TAOK1: variants seen among roughly 807,000 people sequenced by gnomAD.
TAOK1 encodes TAO kinase 1.
In TAOK1, 21 loss-of-function variants were observed where a neutral mutation model predicts 138.3. The observed-to-expected ratio is 0.15, with a 90% CI of 0.11 to 0.22. The LOEUF (loss-of-function observed/expected upper bound fraction) is 0.22. Among genes scored for constraint, TAOK1 ranks in the 10% least tolerant of loss-of-function variants. The pLI is 1.00. For synonymous variants in TAOK1, 361 were observed against 398.4 expected (o/e 0.91, Z 1.12); for missense variants, 651 against 1,227.7 (o/e 0.53, Z 7.02).
chr17:29,438,491 C>T (rs1906108412), intron 1 of TAOK1, among the ~76,000 whole-genome samples: 1 of 152,106 alleles, frequency 6.6e-6, no homozygotes, highest in Non-Finnish European at 1.5e-5. Context: ...TCGAGAATAG[C>T]GTGGGTAACA....
intron 12 of TAOK1, among the ~76,000 whole-genome samples, chr17:29,500,270 G>A (rs895268513): frequency 5.3e-5 from 8 of 151,960 alleles, no homozygotes; most frequent in Admixed American, 1.3e-4. Flanking sequence ...AGCCAAGATC[G>A]TACCACTGCA....
intron 1 of TAOK1, among the ~76,000 whole-genome samples, chr17:29,438,603 GC>G (rs1328138986): frequency 6.6e-6 from 1 of 152,160 alleles, no homozygotes; most frequent in African/African-American, 2.4e-5. Flanking sequence ...GATCCCTTGG[GC>G]CCAGAGCTCA....
chr17:29,447,564 C>T (rs542366361), intron 1 of TAOK1, among the ~76,000 whole-genome samples: 1 of 152,148 alleles, frequency 6.6e-6, no homozygotes, highest in African/African-American at 2.4e-5. Flanking sequence ...GTCTCAAGCT[C>T]CTGACCTCAA....
chr17:29,480,817 C>T (rs1380660298), intron 7 of TAOK1, among the ~76,000 whole-genome samples: 2 of 147,466 alleles, frequency 1.4e-5, no homozygotes, highest in Admixed American at 6.9e-5. Context: ...TTGGAGTGAG[C>T]CGAGATTGTG....
At chr17:29,457,228 T>G (rs2030404869) in intron 2 of TAOK1, among the ~76,000 whole-genome samples, 1 of 147,138 alleles carries the variant, frequency 6.8e-6, no homozygotes, top group Non-Finnish European at 1.5e-5. Context: ...GCCTTCCAAG[T>G]AGATGGGAAT....
chr17:29,504,627 A>G (rs1034837570), intron 13 of TAOK1, among the ~76,000 whole-genome samples: 5 of 151,356 alleles, frequency 3.3e-5, no homozygotes, highest in African/African-American at 1.2e-4. Context: ...CTGAGATCGC[A>G]CTATTGCACT....
intron 1 of TAOK1, among the ~76,000 whole-genome samples, chr17:29,428,917 G>A (rs765769927): frequency 6.6e-6 from 1 of 152,056 alleles, no homozygotes; most frequent in Non-Finnish European, 1.5e-5. Context: ...ACAGGTGTGA[G>A]CCACTGCGCC....
At chr17:29,503,592 C>T (rs1367510511) in intron 13 of TAOK1, among the ~76,000 whole-genome samples, 2 of 152,004 alleles carry the variant, frequency 1.3e-5, no homozygotes, top group African/African-American at 4.8e-5. Context: ...CCTAATCAGA[C>T]AGATAAGTAA....
At chr17:29,449,659 G>A (rs1167707824) in intron 1 of TAOK1, among the ~76,000 whole-genome samples, 1 of 151,896 alleles carries the variant, frequency 6.6e-6, no homozygotes, top group Non-Finnish European at 1.5e-5. Context: ...TGGCCAACAT[G>A]GTGAATCCCC....
intron 3 of TAOK1, among the ~76,000 whole-genome samples, chr17:29,473,753 GTCTC>G (rs1301155625): frequency 2.0e-5 from 3 of 151,424 alleles, no homozygotes; most frequent in African/African-American, 7.3e-5. Context: ...TTGAGACAGA[GTCTC>G]TCTCTGTTGC....
intron 3 of TAOK1, among the ~76,000 whole-genome samples, chr17:29,470,299 G>C (rs908619775): frequency 9.2e-5 from 14 of 152,172 alleles, no homozygotes; most frequent in African/African-American, 3.4e-4. Context: ...AGGTATTAGT[G>C]AATAAGGCTC....
chr17:29,489,177 AATTT>A (rs2031244689), intron 8 of TAOK1, among the ~76,000 whole-genome samples: 1 of 152,154 alleles, frequency 6.6e-6, no homozygotes, highest in African/African-American at 2.4e-5. Context: ...TCAGGTCAGC[AATTT>A]ATTCTCAATT....
At chr17:29,525,613 T>C (rs985932670) in intron 17 of TAOK1, among the ~76,000 whole-genome samples, 1 of 151,220 alleles carries the variant, frequency 6.6e-6, no homozygotes, top group Non-Finnish European at 1.5e-5. Context: ...CCTGCTGGTC[T>C]TGAACTCCTG....
intron 1 of TAOK1, among the ~76,000 whole-genome samples, chr17:29,431,746 TC>T (rs1905838537): frequency 6.6e-6 from 1 of 151,806 alleles, no homozygotes; most frequent in East Asian, 1.9e-4. Context: ...TTCAAGCAAT[TC>T]TGCCTCAGCC....
intron 3 of TAOK1, among the ~76,000 whole-genome samples, chr17:29,472,250 T>TTG (rs1398993374): frequency 7.6e-6 from 1 of 131,062 alleles, no homozygotes. Flanking sequence ...GCTATAGCCG[T>TTG]TGTGTGTTTT....
At chr17:29,469,507 T>C (rs919530517) in intron 3 of TAOK1, among the ~76,000 whole-genome samples, 2 of 152,182 alleles carry the variant, frequency 1.3e-5, no homozygotes, top group African/African-American at 4.8e-5. Context: ...CAGTCTACTT[T>C]CTGTCTCCAT....
Position 29,542,773 on chromosome 17 carries a change from A to T in TAOK1, c.2757A>T (p.Gly919=), listed in dbSNP as rs745759201. 1 of 1,614,156 alleles carries T rather than the reference A, an allele frequency of 6.2e-7. No homozygotes were observed. Among genetic ancestry groups the T allele is most frequent in the Admixed American group, 1.7e-5 (1 of 60,024 alleles). The part of the protein sequence containing the change: ...GWSHNPTGGP[G]PHWGHPMGGP... ...CACACAACCCTACTGGGGGTCCAGG[A>T]CCTCACTGGGGTCATCCCATGGGTG... Residue 919 remains glycine (G), a synonymous_variant, in exon 20 of 20, where the codon GGA becomes GGT. Coordinates refer to ENST00000261716, the MANE Select transcript of TAOK1 (RefSeq NM_020791.4).
chr17:29,403,406 G>A (rs1212001288), intron 1 of TAOK1, among the ~76,000 whole-genome samples: 1 of 152,084 alleles, frequency 6.6e-6, no homozygotes, highest in Non-Finnish European at 1.5e-5. Context: ...GGGGAATTTA[G>A]GGTTACTGAA....
chr17:29,466,579 T>C (rs2030674841), intron 2 of TAOK1, among the ~76,000 whole-genome samples: 1 of 152,260 alleles, frequency 6.6e-6, no homozygotes, highest in South Asian at 2.1e-4. Context: ...CTTTATGAGG[T>C]TTCAGTTATA....
Sources: allele counts gnomAD v4.1 joint callset (sites outside exome capture counted in the v4.1 genomes callset), GRCh38; gene constraint gnomAD v4.1.1; transcripts MANE v1.5; gene names NCBI Gene and HGNC (gene_info 2026-07-23, HGNC 2026-07-21).